GABRB1: variants seen among roughly 807,000 people sequenced by gnomAD.
GABRB1 encodes the protein gamma-aminobutyric acid type A receptor subunit beta1.
In GABRB1, 17 loss-of-function variants were observed where a neutral mutation model predicts 51.6. The observed-to-expected ratio is 0.33, with a 90% CI of 0.23 to 0.49. GABRB1 has a LOEUF of 0.49. GABRB1 is among the 20% of genes least tolerant of loss of function. GABRB1 has a pLI of 0.99. For synonymous variants in GABRB1, 247 were observed against 218.9 expected (o/e 1.13, Z -1.14); for missense variants, 410 against 600.6 (o/e 0.68, Z 3.32).
intron 5 of GABRB1, among the ~76,000 whole-genome samples, chr4:47,329,194 G>A (rs891607236): frequency 1.3e-5 from 2 of 151,890 alleles, no homozygotes; most frequent in African/African-American, 2.4e-5. Context: ...TCAGAAAGAG[G>A]AGACCAAGAT....
chr4:47,000,635 A>G (rs1190200580), intron 1 of GABRB1, among the ~76,000 whole-genome samples: 1 of 152,196 alleles, frequency 6.6e-6, no homozygotes, highest in East Asian at 1.9e-4. Context: ...GGCATTGAAG[A>G]TAGCTTATTG....
intron 3 of GABRB1, among the ~76,000 whole-genome samples, chr4:47,045,835 A>C (rs1163553798): frequency 1.3e-5 from 2 of 151,942 alleles, no homozygotes; most frequent in South Asian, 2.1e-4. Context: ...AGTCTATAGC[A>C]ATCATTATCA....
chr4:47,302,413 C>T (rs555138806), intron 4 of GABRB1, among the ~76,000 whole-genome samples: 37 of 151,784 alleles, frequency 2.4e-4, no homozygotes, highest in African/African-American at 7.0e-4. Context: ...ATTATAAGTT[C>T]GGCATATTTC....
intron 4 of GABRB1, among the ~76,000 whole-genome samples, chr4:47,261,390 C>A (rs867191790): frequency 1.3e-5 from 2 of 152,154 alleles, no homozygotes; most frequent in African/African-American, 4.8e-5. Context: ...CATTCTTATA[C>A]ACCAATAACA....
At chr4:47,200,593 T>C (rs1719861592) in intron 4 of GABRB1, among the ~76,000 whole-genome samples, 1 of 152,168 alleles carries the variant, frequency 6.6e-6, no homozygotes, top group Non-Finnish European at 1.5e-5. Flanking sequence ...TACCTTATAT[T>C]GTGGAAGTGA....
At chr4:47,195,402 AGATAGAT>A (rs1719615915) in intron 4 of GABRB1, among the ~76,000 whole-genome samples, 1 of 26,334 alleles carries the variant, frequency 3.8e-5, no homozygotes, top group Non-Finnish European at 8.5e-5. Flanking sequence ...GATGATAGAT[AGATAGAT>A]AGATAGATAG....
chr4:47,054,022 T>A (rs924775714), intron 3 of GABRB1, among the ~76,000 whole-genome samples: 38 of 152,034 alleles, frequency 2.5e-4, no homozygotes, highest in Non-Finnish European at 1.0e-4. Context: ...TTTCTTTAGA[T>A]GAGTAGCTGC....
chr4:47,039,843 A>G (rs1162378013), intron 3 of GABRB1, among the ~76,000 whole-genome samples: 1 of 152,202 alleles, frequency 6.6e-6, no homozygotes, highest in African/African-American at 2.4e-5. Flanking sequence ...GAGGATTGTC[A>G]AGAGATCAGA....
At chr4:47,156,915 C>T (rs376976707) in intron 3 of GABRB1, among the ~76,000 whole-genome samples, 3 of 152,148 alleles carry the variant, frequency 2.0e-5, no homozygotes, top group African/African-American at 7.2e-5. Context: ...TTGCAGTGAG[C>T]CGAGGTCATG....
chr4:47,222,568 C>G (rs975223804), intron 4 of GABRB1, among the ~76,000 whole-genome samples: 3 of 152,126 alleles, frequency 2.0e-5, no homozygotes, highest in Admixed American at 1.3e-4. Context: ...GTCCAGCAGA[C>G]AGCTAGCATT....
intron 3 of GABRB1, among the ~76,000 whole-genome samples, chr4:47,039,647 A>T (rs1725746314): frequency 6.6e-6 from 1 of 152,132 alleles, no homozygotes; most frequent in Admixed American, 6.6e-5. Flanking sequence ...TGAAGGGTTA[A>T]TGCCTGAAAT....
intron 4 of GABRB1, among the ~76,000 whole-genome samples, chr4:47,227,677 A>G (rs1379760956): frequency 2.0e-5 from 3 of 152,152 alleles, no homozygotes; most frequent in Non-Finnish European, 4.4e-5. Context: ...CAATAGTTAC[A>G]TGAGGGGCTG....
intron 3 of GABRB1, among the ~76,000 whole-genome samples, chr4:47,136,858 A>ACAAAAACAT (rs1716683490): frequency 6.6e-6 from 1 of 152,096 alleles, no homozygotes; most frequent in Non-Finnish European, 1.5e-5. Context: ...TTAGAAACTA[A>ACAAAAACAT]CAAAAACATT....
At chr4:47,123,104 T>C (rs550210586) in intron 3 of GABRB1, among the ~76,000 whole-genome samples, 2 of 151,942 alleles carry the variant, frequency 1.3e-5, no homozygotes. Context: ...TCCAGTGCTC[T>C]GCCTTTTTGA....
rs1725697704 is a variant in GABRB1, at chr4:47,038,577, CA to C, written c.240+6095del. On this transcript the variant is annotated intron_variant, in intron 3 of 8. Coordinates refer to ENST00000295454, the MANE Select transcript of GABRB1 (RefSeq NM_000812.4). Reference sequence around the variant, plus strand: ...ATCTGAGTATCCCAAAGGATTTACCCAACCGGCCTAAAATCCTTCCATGAGG... The same window carrying C: ...ATCTGAGTATCCCAAAGGATTTACCCACCGGCCTAAAATCCTTCCATGAGG... 6.6e-5 allele frequency among the ~76,000 whole-genome samples: 10 copies of C among 152,106 alleles called. No homozygotes were observed. The South Asian group carries it at 2.1e-3, about 31-fold the overall frequency.
At chr4:47,387,022 T>C (rs1176686457) in intron 5 of GABRB1, among the ~76,000 whole-genome samples, 1 of 152,178 alleles carries the variant, frequency 6.6e-6, no homozygotes, top group Non-Finnish European at 1.5e-5. Flanking sequence ...TGATTCATCC[T>C]ACAGGAATAT....
intron 7 of GABRB1, among the ~76,000 whole-genome samples, chr4:47,404,712 C>G (rs371269201): frequency 1.5e-4 from 23 of 152,200 alleles, no homozygotes; most frequent in African/African-American, 5.3e-4. Flanking sequence ...CTTTGAACAG[C>G]CTAAGATTAA....
intron 4 of GABRB1, among the ~76,000 whole-genome samples, chr4:47,234,989 A>T (rs1019483466): frequency 6.6e-6 from 1 of 152,122 alleles, no homozygotes; most frequent in East Asian, 1.9e-4. Flanking sequence ...CATCTTTTAC[A>T]TTGTTCTATC....
intron 5 of GABRB1, among the ~76,000 whole-genome samples, chr4:47,398,629 G>A (rs989834025): frequency 2.6e-5 from 4 of 152,186 alleles, no homozygotes; most frequent in African/African-American, 9.6e-5. Context: ...CTGTCGCCCA[G>A]GATGGAGTGC....
Sources: gnomAD v4.1 joint callset for allele counts (sites outside exome capture counted in the v4.1 genomes callset) on GRCh38, gnomAD v4.1.1 for gene constraint, MANE v1.5 for transcripts, NCBI Gene and HGNC (gene_info 2026-07-23, HGNC 2026-07-21) for gene names.